SND1: variants seen among roughly 807,000 people sequenced by gnomAD.
The protein encoded by SND1 is staphylococcal nuclease and tudor domain containing 1, also known as staphylococcal nuclease domain-containing protein 1.
Under a neutral mutation model 121.7 loss-of-function variants are expected in SND1, and 38 were observed. The ratio of observed to expected loss-of-function variants is 0.31; its 90% confidence interval spans 0.24 to 0.41. SND1 has a LOEUF of 0.41. Among genes scored for constraint, SND1 ranks in the 10% least tolerant of loss-of-function variants. The pLI is 1.00. For missense variants in SND1, 868 were observed against 1,184.6 expected (o/e 0.73, Z 3.92); for synonymous variants, 401 against 447.4 (o/e 0.90, Z 1.31).
At position 127,852,205 on chromosome 7, in the gene SND1, A is replaced by T. The variant is rs188114575; in HGVS notation, c.1343+7781A>T. Among the ~76,000 whole-genome samples the T allele has an allele frequency of 9.2e-5, 14 of 151,552 alleles. No homozygotes were observed. In the East Asian group the frequency reaches 1.2e-3, roughly 13 times the overall value. Reference sequence around the variant, plus strand: ...AATAAAATAAAATAAAATAAATAAAAAAAATAATCCTGGGCGAGATGGCTC... The same window carrying T: ...AATAAAATAAAATAAAATAAATAAATAAAATAATCCTGGGCGAGATGGCTC... On this transcript the variant is annotated intron_variant, in intron 12 of 23. Coordinates refer to ENST00000354725, the MANE Select transcript of SND1 (RefSeq NM_014390.4).
chr7:127,854,130 T>C lies in SND1; in HGVS notation c.1343+9706T>C, dbSNP rs1161961908. Among the ~76,000 whole-genome samples the C allele has an allele frequency of 2.6e-5, 4 of 152,250 alleles. No homozygotes were observed. In the East Asian group the frequency reaches 7.7e-4, roughly 29 times the overall value. On this transcript the variant is annotated intron_variant, in intron 12 of 23. Transcript: ENST00000354725. ...GGGCTTTGTTCGTTTTTTGTTCTGT[T>C]TTGTTTTGTTTTGAGACACAGTCTC...
chr7:127,964,019 T>G (rs1743638134), intron 15 of SND1, among the ~76,000 whole-genome samples: 1 of 152,084 alleles, frequency 6.6e-6, no homozygotes, highest in Non-Finnish European at 1.5e-5. Flanking sequence ...GATGAGCATT[T>G]TTCCATGTGT....
intron 11 of SND1, among the ~76,000 whole-genome samples, chr7:127,822,217 G>A (rs981904672): frequency 6.6e-6 from 1 of 152,166 alleles, no homozygotes; most frequent in South Asian, 2.1e-4. Flanking sequence ...GGGAAGATAC[G>A]TTTGTGGGTA....
intron 16 of SND1, among the ~76,000 whole-genome samples, chr7:128,049,417 G>A (rs903624672): frequency 6.6e-6 from 1 of 151,952 alleles, no homozygotes; most frequent in African/African-American, 2.4e-5. Context: ...TCCCTCCAAG[G>A]CCTCCCGACA....
chr7:127,911,387 A>G (rs1246962545), intron 14 of SND1, among the ~76,000 whole-genome samples: 2 of 152,144 alleles, frequency 1.3e-5, no homozygotes, highest in African/African-American at 4.8e-5. Context: ...TTATTTCAAA[A>G]AAATAGAGAT....
chr7:127,926,251 A>G (rs1415383697), intron 14 of SND1, among the ~76,000 whole-genome samples: 1 of 152,140 alleles, frequency 6.6e-6, no homozygotes, highest in Non-Finnish European at 1.5e-5. Flanking sequence ...GATGACAAGG[A>G]AAGACATACA....
chr7:127,826,605 A>G (rs1478556624), intron 11 of SND1, among the ~76,000 whole-genome samples: 1 of 152,100 alleles, frequency 6.6e-6, no homozygotes, highest in Non-Finnish European at 1.5e-5. Context: ...GAAAAAGTCA[A>G]CGTTTTTTGT....
chr7:128,051,711 C>T (rs1261219481), intron 16 of SND1, among the ~76,000 whole-genome samples: 1 of 152,084 alleles, frequency 6.6e-6, no homozygotes, highest in Non-Finnish European at 1.5e-5. Flanking sequence ...GGAATTCACT[C>T]GGGATGGAAA....
intron 11 of SND1, among the ~76,000 whole-genome samples, chr7:127,840,579 A>G (rs1431468197): frequency 6.6e-6 from 1 of 152,238 alleles, no homozygotes; most frequent in African/African-American, 2.4e-5. Context: ...AATTCAGGTT[A>G]TCATTTATTT....
intron 16 of SND1, among the ~76,000 whole-genome samples, chr7:128,016,138 C>T (rs902784066): frequency 2.0e-5 from 3 of 146,554 alleles, no homozygotes; most frequent in African/African-American, 2.5e-5. Flanking sequence ...TAGGGAGGAA[C>T]AACTTCCTTT....
At position 128,046,371 on chromosome 7, in the gene SND1, T is replaced by G. The variant is rs868448132; in HGVS notation, c.1780-28131T>G. Among the ~76,000 whole-genome samples the G allele has an allele frequency of 1.3e-3, 189 of 146,834 alleles. 4 individuals are homozygous for G. The South Asian group carries it at 0.037, about 29-fold the overall frequency. ...TTTTTTTGGTTGTTGTTGTGTTTTTTTTTTTTTTTTTTGAGACAGAGTCTC... is the reference window on the plus strand; with the variant it reads ...TTTTTTTGGTTGTTGTTGTGTTTTTGTTTTTTTTTTTTGAGACAGAGTCTC... On this transcript the variant is annotated intron_variant, in intron 16 of 23. Transcript: ENST00000354725.
chr7:127,873,920 G>A (rs1340383707), intron 12 of SND1, among the ~76,000 whole-genome samples: 4 of 152,162 alleles, frequency 2.6e-5, no homozygotes, highest in Admixed American at 1.3e-4. Flanking sequence ...AAAGGAAGAT[G>A]TATGGGACAT....
At chr7:127,926,719 T>TGA (rs375277357) in intron 14 of SND1, among the ~76,000 whole-genome samples, 1 of 132,548 alleles carries the variant, frequency 7.5e-6, no homozygotes, top group Non-Finnish European at 1.6e-5. Context: ...CACCCGGCTA[T>TGA]TTTGTTGTTG....
chr7:127,846,218 C>T (rs956936746), intron 12 of SND1, among the ~76,000 whole-genome samples: 11 of 152,136 alleles, frequency 7.2e-5, no homozygotes. Context: ...TTCTGCTTCC[C>T]AGTTCTTGTA....
chr7:127,721,416 C>T lies in SND1; in HGVS notation c.1152+16C>T, dbSNP rs1242188056. ...GAACACCCAGGTGAGAATAGGGAAG[C>T]AGCCGCGCCTCTTTGCATAAACCAA... is the stretch of plus-strand genomic sequence containing the variant. On this transcript the variant is annotated intron_variant, in intron 10 of 23. Coordinates refer to ENST00000354725, the MANE Select transcript of SND1 (RefSeq NM_014390.4). 1.2e-5 allele frequency: 17 copies of T among 1,469,818 alleles called. No homozygotes were observed. The highest frequency in any genetic ancestry group is 1.5e-5 in the Non-Finnish European group (16 of 1,053,314). The allele number at this position is 1,469,818 out of a possible 1,614,324, so 91.0% of individuals were successfully genotyped here. A position where few individuals can be genotyped will look rare whatever the true frequency, so the allele number is the denominator to read the frequency against.
intron 16 of SND1, among the ~76,000 whole-genome samples, chr7:128,018,695 G>A (rs1803281795): frequency 6.6e-6 from 1 of 152,200 alleles, no homozygotes; most frequent in Non-Finnish European, 1.5e-5. Flanking sequence ...TCTGGAAGCA[G>A]TCCGTCTCTA....
In SND1 at chr7:127,694,913, A is replaced by T; in HGVS notation, c.314A>T (p.Gln105Leu). The T allele has an allele frequency of 6.2e-7, 1 of 1,613,958 alleles. No homozygotes were observed. The highest frequency in any genetic ancestry group is 1.7e-5 in the Admixed American group (1 of 60,006). Residue 105 changes from glutamine to leucine, a missense_variant, in exon 3 of 24, where the codon CAG (glutamine) becomes CTG (leucine). Coordinates refer to ENST00000354725, the MANE Select transcript of SND1 (RefSeq NM_014390.4). ...VCFTIENKTP[Q>L]GREYGMIYLG... ...TTCACGATAGAAAACAAGACTCCCCAGGGGCGAGAGTATGGCATGATCTAC... is the reference window on the plus strand; with the variant it reads ...TTCACGATAGAAAACAAGACTCCCCTGGGGCGAGAGTATGGCATGATCTAC...
chr7:127,712,006 C>G (rs1368421015), intron 9 of SND1, among the ~76,000 whole-genome samples: 1 of 151,704 alleles, frequency 6.6e-6, no homozygotes, highest in Non-Finnish European at 1.5e-5. Flanking sequence ...CCTCTCCTCT[C>G]CCCTTCTTGG....
intron 11 of SND1, among the ~76,000 whole-genome samples, chr7:127,810,403 G>A (rs573876149): frequency 2.0e-5 from 3 of 152,258 alleles, no homozygotes; most frequent in Non-Finnish European, 4.4e-5. Flanking sequence ...ATACTGCCTA[G>A]TAGAACTCTC....
Sources: gnomAD v4.1 joint callset for allele counts (sites outside exome capture counted in the v4.1 genomes callset) on GRCh38, gnomAD v4.1.1 for gene constraint, MANE v1.5 for transcripts, NCBI Gene and HGNC (gene_info 2026-07-23, HGNC 2026-07-21) for gene names.